The following MAP4K4 variants were observed in gnomAD, a reference collection of about 807,000 sequenced individuals.
MAP4K4 encodes mitogen-activated protein kinase kinase kinase kinase 4.
MAP4K4 carries 38 observed loss-of-function variants against 189.6 expected under a neutral mutation model. That is an observed-to-expected ratio of 0.20 (90% CI 0.15 to 0.26). The LOEUF (loss-of-function observed/expected upper bound fraction) is 0.26. Ranked by LOEUF, MAP4K4 falls within the 10% of genes least tolerant of loss-of-function variation. The probability of loss-of-function intolerance (pLI) is 1.00; values close to 1 mark genes in which losing one functional copy is unlikely to be tolerated. For missense variants in MAP4K4, 1,054 were observed against 1,726.9 expected (o/e 0.61, Z 6.91); for synonymous variants, 610 against 624.3 (o/e 0.98, Z 0.34).
intron 7 of MAP4K4, among the ~76,000 whole-genome samples, 154 bp from the exon 8 acceptor site, chr2:101,834,255 C>T (rs1043195318): frequency 3.3e-5 from 5 of 149,916 alleles, no homozygotes; most frequent in Non-Finnish European, 7.4e-5. Flanking sequence ...CCCCTCCCCT[C>T]CGCTCCGTAA....
intron 2 of MAP4K4, among the ~76,000 whole-genome samples, chr2:101,743,676 G>A (rs772002111): frequency 1.3e-5 from 2 of 151,366 alleles, no homozygotes; most frequent in Non-Finnish European, 2.9e-5. Context: ...TTTCTTTTTT[G>A]AGATGGAGTC....
intron 3 of MAP4K4, among the ~76,000 whole-genome samples, chr2:101,796,353 C>A (rs1273533639): frequency 6.6e-6 from 1 of 152,138 alleles, no homozygotes; most frequent in African/African-American, 2.4e-5. Context: ...TTCTAATGCA[C>A]CTTTAAGTTT....
At chr2:101,871,892 G>A (rs1025191593) in intron 24 of MAP4K4, among the ~76,000 whole-genome samples, 1 of 151,886 alleles carries the variant, frequency 6.6e-6, no homozygotes, top group Non-Finnish European at 1.5e-5. Context: ...CCCCAAACTT[G>A]CCAGTTCACT....
At position 101,833,820 on chromosome 2, in the gene MAP4K4, A is replaced by G. The variant is rs554257057; in HGVS notation, c.640-589A>G. 1.1e-3 allele frequency among the ~76,000 whole-genome samples: 173 copies of G among 152,328 alleles called. 2 individuals are homozygous for G. The highest frequency in any genetic ancestry group is 3.8e-3 in the African/African-American group (160 of 41,586). ...GAATCAGAAAAAAGATTCCATGTAC[A>G]GAAAACCAGCTGACTTGTTTGGTTT... On this transcript the variant is annotated intron_variant, in intron 7 of 32. Transcript: ENST00000324219.
At position 101,797,893 on chromosome 2, in the gene MAP4K4, T is replaced by G. The variant is rs1380144111; in HGVS notation, c.180+7117T>G. ...GCTTTTTAAAACATTCTTTTAGTTT[T>G]TTTTTTTTTTTTTTTTTGGAGACCA... On this transcript the variant is annotated intron_variant, in intron 3 of 32. Transcript: ENST00000324219. Among the ~76,000 whole-genome samples, 110 of 121,470 alleles carry G rather than the reference T, an allele frequency of 9.1e-4. 5 individuals are homozygous for G. Among genetic ancestry groups the G allele is most frequent in the African/African-American group, 2.6e-3 (80 of 30,744 alleles). The allele number at this position is 121,470 out of a possible 152,430, so 79.7% of individuals were successfully genotyped here.
At chr2:101,779,295 G>A (rs1419914054) in intron 2 of MAP4K4, among the ~76,000 whole-genome samples, 1 of 152,098 alleles carries the variant, frequency 6.6e-6, no homozygotes, top group East Asian at 1.9e-4. Flanking sequence ...GTTATGTAAT[G>A]TGATTATTGC....
intron 24 of MAP4K4, 36 bp downstream of exon 24, chr2:101,871,721 G>A (rs879095470): frequency 2.0e-6 from 3 of 1,526,440 alleles, no homozygotes; most frequent in East Asian, 2.5e-5. Flanking sequence ...CTTTCCTGGG[G>A]TTAGACCAGC....
At chr2:101,880,157 G>GA (rs1234783457) in intron 27 of MAP4K4, among the ~76,000 whole-genome samples, 2 of 152,126 alleles carry the variant, frequency 1.3e-5, no homozygotes, top group Admixed American at 6.5e-5. Flanking sequence ...TCATGCTGTG[G>GA]AATGATGTCT....
intron 2 of MAP4K4, among the ~76,000 whole-genome samples, chr2:101,727,505 A>G (rs1415311564): frequency 6.6e-6 from 1 of 152,262 alleles, no homozygotes; most frequent in Non-Finnish European, 1.5e-5. Context: ...CTGAAATAAA[A>G]TGGTTTTTGT....
At chr2:101,847,490 T>C (rs1324461453) in intron 12 of MAP4K4, among the ~76,000 whole-genome samples, 4 of 152,178 alleles carry the variant, frequency 2.6e-5, no homozygotes, top group Non-Finnish European at 4.4e-5. Flanking sequence ...AGGGAGAAGA[T>C]AGTGATATTG....
intron 3 of MAP4K4, among the ~76,000 whole-genome samples, chr2:101,811,370 C>CAAAAAAAAAAAAAA (rs71378177): frequency 5.8e-5 from 4 of 68,900 alleles, no homozygotes; most frequent in African/African-American, 1.7e-4. Context: ...GACTGCGTCT[C>CAAAAAAAAAAAAAA]AAAAAAAAAA....
chr2:101,886,841 T>C (rs1159945584), intron 29 of MAP4K4, among the ~76,000 whole-genome samples: 1 of 152,000 alleles, frequency 6.6e-6, no homozygotes, highest in African/African-American at 2.4e-5. Flanking sequence ...CTGGCTAACA[T>C]GGTGAAACCC....
At chr2:101,839,951 T>A (rs754193043) in exon 10 of MAP4K4, 1 of 1,613,304 alleles carries the variant, frequency 6.2e-7, no homozygotes, top group Non-Finnish European at 8.5e-7. Context: ...GAATCCAGCT[T>A]AAGGATCATA....
At chr2:101,799,913 G>C (rs1019538075) in intron 3 of MAP4K4, among the ~76,000 whole-genome samples, 6 of 151,918 alleles carry the variant, frequency 3.9e-5, no homozygotes, top group Non-Finnish European at 7.4e-5. Context: ...CGATTCTTCT[G>C]CTATTTTAAT....
chr2:101,767,540 C>CTAT (rs2079144778), intron 2 of MAP4K4, among the ~76,000 whole-genome samples: 1 of 152,166 alleles, frequency 6.6e-6, no homozygotes, highest in Admixed American at 6.5e-5. Context: ...GCACTGTGAT[C>CTAT]TATTTATCTC....
intron 2 of MAP4K4, among the ~76,000 whole-genome samples, chr2:101,781,804 C>T (rs2087689992): frequency 6.6e-6 from 1 of 152,174 alleles, no homozygotes; most frequent in South Asian, 2.1e-4. Context: ...TCATTATCTG[C>T]TCATTTAAAT....
intron 2 of MAP4K4, among the ~76,000 whole-genome samples, chr2:101,788,142 C>T (rs1285283807): frequency 6.6e-6 from 1 of 151,788 alleles, no homozygotes; most frequent in Non-Finnish European, 1.5e-5. Context: ...TATTTTAGCA[C>T]CCCATTCCCT....
At chr2:101,703,812 G>A (rs1573790312) in intron 2 of MAP4K4, among the ~76,000 whole-genome samples, 1 of 151,840 alleles carries the variant, frequency 6.6e-6, no homozygotes, top group East Asian at 2.0e-4. Flanking sequence ...AGGAGTTCAA[G>A]ACCAGCCTGT....
intron 3 of MAP4K4, chr2:101,797,146 G>A: frequency 1.9e-6 from 2 of 1,043,750 alleles, no homozygotes; most frequent in African/African-American, 1.7e-5. Context: ...GGAGCACAAT[G>A]TAATGAATGT....
Sources: gnomAD v4.1 joint callset for allele counts (sites outside exome capture counted in the v4.1 genomes callset) on GRCh38, gnomAD v4.1.1 for gene constraint, MANE v1.5 for transcripts, NCBI Gene and HGNC (gene_info 2026-07-23, HGNC 2026-07-21) for gene names.